Variants in AKT3 observed in about 807,000 individuals in gnomAD.
The protein encoded by AKT3 is RAC-gamma serine/threonine-protein kinase.
Under a neutral mutation model 65.3 loss-of-function variants are expected in AKT3, and 15 were observed. The observed-to-expected ratio is 0.23, with a 90% CI of 0.15 to 0.35. The LOEUF (loss-of-function observed/expected upper bound fraction) is 0.35, where lower values mean the gene tolerates loss of function less well. Among genes scored for constraint, AKT3 ranks in the 10% least tolerant of loss-of-function variants. The pLI is 1.00. For missense variants in AKT3, 243 were observed against 576.5 expected (o/e 0.42, Z 5.92); for synonymous variants, 206 against 183.8 (o/e 1.12, Z -0.98).
chr1:243,588,302 C>A (rs1296478433), intron 8 of AKT3, among the ~76,000 whole-genome samples: 1 of 152,132 alleles, frequency 6.6e-6, no homozygotes, highest in Non-Finnish European at 1.5e-5. Context: ...TATGTAGTAG[C>A]TCTTAGAGCT....
intron 2 of AKT3, among the ~76,000 whole-genome samples, chr1:243,804,056 T>A (rs1460719072): frequency 1.3e-5 from 2 of 152,138 alleles, no homozygotes; most frequent in African/African-American, 4.8e-5. Context: ...ACCCTTGACA[T>A]CATCATCAGG....
intron 13 of AKT3, among the ~76,000 whole-genome samples, chr1:243,492,341 A>C (rs1378529156): frequency 1.8e-5 from 2 of 110,518 alleles, no homozygotes; most frequent in African/African-American, 7.2e-5. Context: ...TTGCTCCGTC[A>C]CCCGGACTGG....
intron 2 of AKT3, among the ~76,000 whole-genome samples, chr1:243,805,354 C>T (rs1315540507): frequency 1.3e-5 from 2 of 152,108 alleles, no homozygotes; most frequent in Non-Finnish European, 2.9e-5. Context: ...TCTTTCTCTG[C>T]CAGCTATAGT....
At chr1:243,749,260 G>C (rs548021297) in intron 2 of AKT3, among the ~76,000 whole-genome samples, 55 of 152,018 alleles carry the variant, frequency 3.6e-4, no homozygotes, top group African/African-American at 1.2e-3. Context: ...ACTAAATCAC[G>C]AAACTAAACC....
chr1:243,553,079 CTG>C, intron 10 of AKT3, 136 bp from the exon 11 acceptor site: 2 of 628,986 alleles, frequency 3.2e-6, no homozygotes, highest in South Asian at 2.7e-5. Flanking sequence ...GACATTTAAA[CTG>C]TGAAGCATCC....
At chr1:243,493,938 G>A (rs1357192925) in intron 13 of AKT3, among the ~76,000 whole-genome samples, 1 of 151,964 alleles carries the variant, frequency 6.6e-6, no homozygotes, top group Admixed American at 6.6e-5. Flanking sequence ...AAGACTCCCT[G>A]CCGAGGGAGG....
chr1:243,725,500 C>T (rs1687157650), intron 2 of AKT3, among the ~76,000 whole-genome samples: 1 of 152,160 alleles, frequency 6.6e-6, no homozygotes, highest in Non-Finnish European at 1.5e-5. Flanking sequence ...GAACAGAACT[C>T]AGCCTTTTTT....
intron 2 of AKT3, among the ~76,000 whole-genome samples, chr1:243,743,183 C>T (rs528654404): frequency 3.4e-4 from 52 of 152,284 alleles, no homozygotes; most frequent in African/African-American, 1.2e-3. Flanking sequence ...ATCTTCCAAA[C>T]TCTGTGTTCA....
At position 243,663,751 on chromosome 1, in the gene AKT3, A is replaced by G. The variant is rs529221603; in HGVS notation, c.284+1021T>C. Among the ~76,000 whole-genome samples the G allele has an allele frequency of 2.8e-4, 43 of 152,322 alleles. 1 individual carries two copies. The highest frequency in any genetic ancestry group is 9.6e-4 in the African/African-American group (40 of 41,582). On this transcript the variant is annotated intron_variant, in intron 4 of 13. Coordinates refer to ENST00000673466, the MANE Select transcript of AKT3 (RefSeq NM_005465.7). Reference sequence around the variant, plus strand: ...TGTATTCATTTGGAAAATAAGGCTAATAAGATTTAACTTCACAAAGTTGCT... The same window carrying G: ...TGTATTCATTTGGAAAATAAGGCTAGTAAGATTTAACTTCACAAAGTTGCT...
At chr1:243,636,610 C>A (rs1249188826) in intron 6 of AKT3, among the ~76,000 whole-genome samples, 6 of 152,096 alleles carry the variant, frequency 3.9e-5, no homozygotes, top group Non-Finnish European at 8.8e-5. Context: ...AGATATTGAG[C>A]ACATTCGGCT....
At chr1:243,496,168 C>G (rs1667803123), downstream of AKT3, among the ~76,000 whole-genome samples, 1 of 152,150 alleles carries the variant, frequency 6.6e-6, no homozygotes, top group African/African-American at 2.4e-5. Flanking sequence ...AAATAAGGCC[C>G]AGAGAAATGA....
chr1:243,689,878 G>T (rs966942536), intron 3 of AKT3, among the ~76,000 whole-genome samples: 1 of 152,064 alleles, frequency 6.6e-6, no homozygotes, highest in Non-Finnish European at 1.5e-5. Flanking sequence ...TTGGGAGATT[G>T]AGGCTACAGA....
chr1:243,686,652 T>TATATATATATATATATATATATATATATA (rs373666457), intron 3 of AKT3, among the ~76,000 whole-genome samples: 3 of 12,668 alleles, frequency 2.4e-4, no homozygotes, highest in South Asian at 2.6e-3. Flanking sequence ...TATATATATA[T>TATATATATATATATATATATATATATATA]TTTTTTTTTT....
chr1:243,720,215 C>T (rs987249115), intron 2 of AKT3, among the ~76,000 whole-genome samples: 2 of 152,188 alleles, frequency 1.3e-5, no homozygotes, highest in Non-Finnish European at 2.9e-5. Flanking sequence ...AGGAGAATCA[C>T]TTGAACCCAG....
chr1:243,711,981 A>T (rs1686189597), intron 2 of AKT3, among the ~76,000 whole-genome samples: 1 of 152,234 alleles, frequency 6.6e-6, no homozygotes, highest in African/African-American at 2.4e-5. Flanking sequence ...GCTTGTGTAT[A>T]AAAGTTGGTA....
At chr1:243,656,549 T>C (rs953671305) in intron 4 of AKT3, among the ~76,000 whole-genome samples, 8 of 152,108 alleles carry the variant, frequency 5.3e-5, no homozygotes, top group African/African-American at 1.9e-4. Flanking sequence ...TTCTTGAATG[T>C]AGATGTGAAA....
intron 4 of AKT3, 88 bp downstream of exon 4, chr1:243,664,684 T>C (rs1682647703): frequency 2.2e-6 from 1 of 457,662 alleles, no homozygotes; most frequent in Non-Finnish European, 3.5e-6. Context: ...TATATTTATA[T>C]ATATTTACAA....
At chr1:243,553,856 T>G (rs930936531) in intron 10 of AKT3, among the ~76,000 whole-genome samples, 1 of 152,198 alleles carries the variant, frequency 6.6e-6, no homozygotes, top group Non-Finnish European at 1.5e-5. Context: ...TATATGCAAC[T>G]TTGAATATTT....
intron 3 of AKT3, among the ~76,000 whole-genome samples, chr1:243,681,791 C>A (rs1025924957): frequency 2.0e-5 from 3 of 152,112 alleles, no homozygotes; most frequent in African/African-American, 7.2e-5. Context: ...GTTTTTCAGT[C>A]TCTCTAGGTC....
Sources: allele counts gnomAD v4.1 joint callset (sites outside exome capture counted in the v4.1 genomes callset), GRCh38; gene constraint gnomAD v4.1.1; transcripts MANE v1.5; gene names NCBI Gene and HGNC (gene_info 2026-07-23, HGNC 2026-07-21).